Variants in ZC3H11A observed in about 807,000 individuals in gnomAD.
ZC3H11A encodes the protein zinc finger CCCH domain-containing protein 11A.
In ZC3H11A, 22 loss-of-function variants were observed where a neutral mutation model predicts 90.8. The observed-to-expected ratio is 0.24, with a 90% CI of 0.17 to 0.35. The LOEUF (loss-of-function observed/expected upper bound fraction) is 0.35, where lower values mean the gene tolerates loss of function less well. ZC3H11A is among the 10% of genes least tolerant of loss of function. ZC3H11A has a pLI of 1.00. For missense variants in ZC3H11A, 701 were observed against 964.9 expected (o/e 0.73, Z 3.62); for synonymous variants, 294 against 339.8 (o/e 0.87, Z 1.48).
chr1:203,798,770 A>G (rs768277265), intron 1 of ZC3H11A: 3 of 1,536,114 alleles, frequency 2.0e-6, no homozygotes, highest in Non-Finnish European at 2.6e-6. Context: ...CAATTATCCA[A>G]ATGATTGTGG....
Position 203,829,544 on chromosome 1 carries a change from C to T in ZC3H11A, c.392C>T (p.Pro131Leu). The change falls in exon 6 of 18, where the codon CCT becomes CTT. Residue 131 changes from proline (P) to leucine (L), a missense_variant. Coordinates refer to ENST00000367210, the MANE Select transcript of ZC3H11A (RefSeq NM_001376342.1). ...AACAAATTGTCTGTCCAGTCCAATC[C>T]TTCCCCTCAGCTGCGGAGCGTTATG... ...QQNKLSVQSN[P>L]SPQLRSVMKV... The T allele has an allele frequency of 6.2e-7, 1 of 1,613,962 alleles. No individual in the cohort carries two copies. Among genetic ancestry groups the T allele is most frequent in the African/African-American group, 1.3e-5 (1 of 75,000 alleles).
At chr1:203,833,676 A>G (rs1403894230) in intron 9 of ZC3H11A, 115 bp from the exon 10 acceptor site, 2 of 690,336 alleles carry the variant, frequency 2.9e-6, no homozygotes, top group Admixed American at 3.7e-5. Context: ...CTGATTTTCA[A>G]GAGACTTTCT....
chr1:203,819,201 A>C (rs996493831), intron 4 of ZC3H11A, among the ~76,000 whole-genome samples: 7 of 148,162 alleles, frequency 4.7e-5, no homozygotes, highest in Non-Finnish European at 8.9e-5. Flanking sequence ...ACTTTCCTCT[A>C]TGCAATTTTT....
In ZC3H11A at chr1:203,848,384, A is replaced by C. The variant is rs1453716304; in HGVS notation, c.1600A>C (p.Ser534Arg). ...QEGNEVDSQSSIRTEAKEASG... is the reference protein window; with the variant it reads ...QEGNEVDSQSRIRTEAKEASG... ...AGGAAATGAAGTTGATTCTCAGAGC[A>C]GTATTAGAACAGAAGCTAAAGAGGT... is the stretch of plus-strand genomic sequence containing the variant. Residue 534 changes from serine (S) to arginine (R), a missense_variant, in exon 14 of 18, where the codon AGT becomes CGT. Physicochemically the swap from Ser to Arg is moderately radical, Grantham distance 110. This residue lies in a region of ZC3H11A where 530 missense variants were observed against 696.2 expected (regional missense o/e 0.76). Coordinates refer to ENST00000367210, the MANE Select transcript of ZC3H11A (RefSeq NM_001376342.1). 1 of 1,613,276 alleles carries C rather than the reference A, an allele frequency of 6.2e-7. No homozygotes were observed. The highest frequency in any genetic ancestry group is 8.5e-7 in the Non-Finnish European group (1 of 1,179,710).
intron 3 of ZC3H11A, 127 bp from the exon 4 acceptor site, chr1:203,818,443 G>A: frequency 1.6e-6 from 2 of 1,273,786 alleles, no homozygotes; most frequent in Non-Finnish European, 2.2e-6. Context: ...CATGTCCATT[G>A]TTTTTTACCT....
At chr1:203,829,986 T>C (rs1032453797) in intron 7 of ZC3H11A, 90 bp downstream of exon 7, 4 of 1,394,748 alleles carry the variant, frequency 2.9e-6, no homozygotes, top group Admixed American at 3.4e-5. Context: ...CTCTTCTTTT[T>C]CCCATGCTAC....
chr1:203,852,560 G>A lies in ZC3H11A; in HGVS notation c.*161G>A. ...TCTGTATGTGTCCTGGATTCCTTGG[G>A]GTCAGATTTTTAAAGTTACTTTATA... On this transcript the variant is annotated 3_prime_UTR_variant, in exon 18 of 18. Transcript: ENST00000367210. 7 of 764,034 alleles carry A rather than the reference G, an allele frequency of 9.2e-6. No individual in the cohort carries two copies. The highest frequency in any genetic ancestry group is 2.7e-5 in the East Asian group (1 of 36,422). 47.3% of individuals were successfully genotyped at this position (764,034 alleles called of 1,614,324 possible).
intron 11 of ZC3H11A, 63 bp downstream of exon 11, chr1:203,838,127 T>C (rs2103173511): frequency 4.1e-6 from 6 of 1,458,514 alleles, no homozygotes; most frequent in Middle Eastern, 1.8e-4. Flanking sequence ...CTTGTAATGC[T>C]AACAGCTATG....
rs377341265 is a variant in ZC3H11A at position 203,843,130 on chromosome 1, A to G, written c.1042+2756A>G. On this transcript the variant is annotated intron_variant, in intron 12 of 17. Transcript: ENST00000367210. ...TATTCTGTTGTATGCAACCTGAATT[A>G]TTCAGAGATTTCTAGGGTTTTATCT... is the stretch of plus-strand genomic sequence containing the variant. Among the ~76,000 whole-genome samples the G allele has an allele frequency of 1.1e-4, 17 of 152,294 alleles. 1 individual carries two copies. The highest frequency in any genetic ancestry group is 4.1e-4 in the African/African-American group (17 of 41,574).
At chr1:203,823,300 C>T (rs1039333190) in intron 4 of ZC3H11A, among the ~76,000 whole-genome samples, 1 of 152,076 alleles carries the variant, frequency 6.6e-6, no homozygotes, top group African/African-American at 2.4e-5. Flanking sequence ...TTTTTATGCC[C>T]ACTCCCTTTA....
Position 203,853,480 on chromosome 1 carries a change from A to G in ZC3H11A, c.*1081A>G, listed in dbSNP as rs1245318359. 6.6e-6 allele frequency: 1 copy of G among 152,556 alleles called. No individual in the cohort carries two copies. Among genetic ancestry groups the G allele is most frequent in the Non-Finnish European group, 1.5e-5 (1 of 68,040 alleles). 9.5% of individuals were successfully genotyped at this position (152,556 alleles called of 1,614,324 possible). A position where few individuals can be genotyped will look rare whatever the true frequency, so the allele number is the denominator to read the frequency against. ...TTTTCTTGATGTTGGTTTCCTTCAT[A>G]TCACCTCAAGGTTTAGATTTGTGAA... On this transcript the variant is annotated 3_prime_UTR_variant, in exon 18 of 18. Transcript: ENST00000367210.
At chr1:203,839,258 T>C (rs1685334978) in intron 11 of ZC3H11A, among the ~76,000 whole-genome samples, 1 of 152,242 alleles carries the variant, frequency 6.6e-6, no homozygotes. Context: ...TTGCCTAGGC[T>C]GGATTCAAAT....
chr1:203,805,422 C>T (rs556504776), intron 2 of ZC3H11A, among the ~76,000 whole-genome samples: 8 of 152,182 alleles, frequency 5.3e-5, no homozygotes, highest in East Asian at 1.9e-4. Flanking sequence ...TGAGCCACCG[C>T]GCCCTGCCAG....
At position 203,802,714 on chromosome 1, in the gene ZC3H11A, C is replaced by CTTTTTTTTT. The variant is rs150416242; in HGVS notation, c.-447_-439dup. The stretch of plus-strand genomic sequence containing the variant: ...TCTCAAGTTCATCTTTAAATGAACT[C>CTTTTTTTTT]TTTTTTTTTGTTTTTTTTTTGTTTT... On this transcript the variant is annotated 5_prime_UTR_variant, in exon 2 of 18. Transcript: ENST00000367210. 2 of 131,654 alleles carry CTTTTTTTTT rather than the reference C, an allele frequency of 1.5e-5. No individual in the cohort carries two copies. Among genetic ancestry groups the CTTTTTTTTT allele is most frequent in the African/African-American group, 2.7e-5 (1 of 36,470 alleles). The allele number at this position is 131,654 out of a possible 1,614,324, so 8.2% of individuals were successfully genotyped here.
intron 4 of ZC3H11A, among the ~76,000 whole-genome samples, chr1:203,826,607 C>T (rs1275711468): frequency 6.6e-6 from 1 of 151,960 alleles, no homozygotes; most frequent in East Asian, 1.9e-4. Context: ...AGATTTTGAC[C>T]TTTGCCCTTT....
At chr1:203,811,558 G>A (rs1045940110) in intron 2 of ZC3H11A, among the ~76,000 whole-genome samples, 1 of 152,070 alleles carries the variant, frequency 6.6e-6, no homozygotes, top group African/African-American at 2.4e-5. Flanking sequence ...GCCTAGTCTG[G>A]AGTGCAGTGG....
At chr1:203,845,846 A>T (rs1045155968) in intron 12 of ZC3H11A, among the ~76,000 whole-genome samples, 1 of 152,242 alleles carries the variant, frequency 6.6e-6, no homozygotes, top group African/African-American at 2.4e-5. Context: ...AGCCTGGGCA[A>T]CAGAGCAAAA....
intron 14 of ZC3H11A, among the ~76,000 whole-genome samples, chr1:203,849,053 T>C (rs1230872043): frequency 6.6e-6 from 1 of 152,132 alleles, no homozygotes; most frequent in Non-Finnish European, 1.5e-5. Context: ...CCTGACTAAT[T>C]TTTGTATTTT....
chr1:203,797,999 C>T, intron 1 of ZC3H11A: 1 of 1,533,756 alleles, frequency 6.5e-7, no homozygotes, highest in Middle Eastern at 1.7e-4. Flanking sequence ...AAAGCGTCAG[C>T]AGGGGTAAAC....
Sources: allele counts gnomAD v4.1 joint callset (sites outside exome capture counted in the v4.1 genomes callset), GRCh38; gene constraint gnomAD v4.1.1; regional missense constraint gnomAD v4.1.1; transcripts MANE v1.5; gene names NCBI Gene and HGNC (gene_info 2026-07-23, HGNC 2026-07-21).